POU6F2: variants seen among roughly 807,000 people sequenced by gnomAD.
POU6F2 encodes POU class 6 homeobox 2.
In POU6F2, 31 loss-of-function variants were observed where a neutral mutation model predicts 71.3. The ratio of observed to expected loss-of-function variants is 0.43; its 90% CI spans 0.33 to 0.59. POU6F2 has a LOEUF of 0.59. POU6F2 is among the 20% of genes least tolerant of loss of function. The pLI is 0.04. For missense variants in POU6F2, 783 were observed against 856.8 expected (o/e 0.91, Z 1.07); for synonymous variants, 347 against 355.7 (o/e 0.98, Z 0.27).
chr7:39,082,929 G>C (rs1245075474), intron 1 of POU6F2, among the ~76,000 whole-genome samples: 1 of 151,896 alleles, frequency 6.6e-6, no homozygotes, highest in African/African-American at 2.4e-5. Flanking sequence ...ACAAACTCTT[G>C]GATTTTCAAA....
At chr7:39,461,647 TTAAGAC>T (rs1461190213) in intron 9 of POU6F2, among the ~76,000 whole-genome samples, 6 of 152,196 alleles carry the variant, frequency 3.9e-5, no homozygotes, top group African/African-American at 1.4e-4. Context: ...TTCCTGCAGT[TTAAGAC>T]TAAGGTTATA....
rs1794042129 is a variant in POU6F2 at position 39,207,500 on chromosome 7, C to G, written c.478C>G (p.Leu160Val). ...ILIPFNMAGQLGGQQGLVLTL... is the reference protein window; with the variant it reads ...ILIPFNMAGQVGGQQGLVLTL... Reference sequence around the variant, plus strand: ...CATTCCCTTCAACATGGCGGGACAGCTAGGAGGCCAGCAAGGACTGGTTCT... The same window carrying G: ...CATTCCCTTCAACATGGCGGGACAGGTAGGAGGCCAGCAAGGACTGGTTCT... The change falls in exon 4 of 10, where the codon CTA becomes GTA. Residue 160 changes from leucine (L) to valine (V), a missense_variant. By Grantham distance (32) the Leu-to-Val change is conservative. Around this residue, in one of 2 missense-constraint regions of POU6F2, gnomAD observed 572 missense variants for 572.9 expected, o/e 1.00. Transcript: ENST00000518318. The G allele has an allele frequency of 6.2e-7, 1 of 1,613,890 alleles. No individual in the cohort carries two copies. Among genetic ancestry groups the G allele is most frequent in the Non-Finnish European group, 8.5e-7 (1 of 1,179,880 alleles).
At chr7:39,029,563 A>G (rs930254076) in intron 1 of POU6F2, among the ~76,000 whole-genome samples, 2 of 152,108 alleles carry the variant, frequency 1.3e-5, no homozygotes, top group African/African-American at 4.8e-5. Context: ...GATACCCTAA[A>G]AGCCCTGACT....
intron 2 of POU6F2, among the ~76,000 whole-genome samples, chr7:39,176,060 C>T (rs923748171): frequency 7.2e-5 from 11 of 152,052 alleles, no homozygotes; most frequent in African/African-American, 2.4e-4. Flanking sequence ...CAGTGTATTC[C>T]CTCTTCTTCC....
intron 4 of POU6F2, among the ~76,000 whole-genome samples, chr7:39,256,458 T>G (rs971683220): frequency 6.6e-6 from 1 of 152,102 alleles, no homozygotes; most frequent in Non-Finnish European, 1.5e-5. Context: ...AATTCCTCAT[T>G]AAACTCCCTC....
intron 1 of POU6F2, among the ~76,000 whole-genome samples, chr7:39,074,135 G>T (rs1211233383): frequency 1.3e-5 from 2 of 152,156 alleles, no homozygotes; most frequent in African/African-American, 2.4e-5. Flanking sequence ...GATTGCCTGA[G>T]CTCCAGAGTT....
chr7:39,192,697 G>A (rs1793693127), intron 2 of POU6F2, among the ~76,000 whole-genome samples: 1 of 152,202 alleles, frequency 6.6e-6, no homozygotes. Flanking sequence ...TACTGTGATT[G>A]AGAGCATTCC....
intron 1 of POU6F2, among the ~76,000 whole-genome samples, chr7:39,028,018 A>C (rs1789853178): frequency 6.6e-6 from 1 of 152,152 alleles, no homozygotes; most frequent in Non-Finnish European, 1.5e-5. Flanking sequence ...TAACCCAATT[A>C]TTAATTTTTC....
chr7:39,162,531 G>C (rs929874312), intron 2 of POU6F2, among the ~76,000 whole-genome samples: 13 of 152,082 alleles, frequency 8.5e-5, no homozygotes, highest in Non-Finnish European at 1.5e-4. Flanking sequence ...CTTTTTCCAC[G>C]ATCAGATAGT....
intron 2 of POU6F2, among the ~76,000 whole-genome samples, chr7:39,166,264 CTTGG>C (rs1793114002): frequency 6.6e-6 from 1 of 152,170 alleles, no homozygotes; most frequent in Admixed American, 6.5e-5. Context: ...GTGTGGAAAA[CTTGG>C]TTGGTTCCAC....
chr7:39,196,219 G>A (rs964829876), intron 2 of POU6F2, among the ~76,000 whole-genome samples: 3 of 152,142 alleles, frequency 2.0e-5, no homozygotes, highest in Admixed American at 1.3e-4. Context: ...GCTGAAGAAA[G>A]GCAGGTGACA....
intron 4 of POU6F2, among the ~76,000 whole-genome samples, chr7:39,333,460 C>T (rs1002577179): frequency 2.6e-5 from 4 of 152,010 alleles, no homozygotes; most frequent in Admixed American, 1.3e-4. Context: ...AGTCTCAGGC[C>T]GGGCGTGGTG....
chr7:39,258,810 C>T (rs1413722379), intron 4 of POU6F2, among the ~76,000 whole-genome samples: 9 of 151,972 alleles, frequency 5.9e-5, no homozygotes, highest in Non-Finnish European at 5.9e-5. Context: ...CTACAAACCA[C>T]CTTGCTCATT....
chr7:39,080,793 C>G (rs1312257018), intron 1 of POU6F2, among the ~76,000 whole-genome samples: 1 of 152,204 alleles, frequency 6.6e-6, no homozygotes, highest in Non-Finnish European at 1.5e-5. Flanking sequence ...GTGGCTGCCA[C>G]TGGACACGGA....
chr7:39,450,025 G>A (rs986301259), intron 7 of POU6F2, among the ~76,000 whole-genome samples: 10 of 152,206 alleles, frequency 6.6e-5, no homozygotes, highest in Non-Finnish European at 8.8e-5. Context: ...CTTGATTATC[G>A]TGGTGGTTTC....
intron 1 of POU6F2, among the ~76,000 whole-genome samples, chr7:39,051,953 G>T (rs936523505): frequency 6.6e-6 from 1 of 152,086 alleles, no homozygotes; most frequent in East Asian, 1.9e-4. Context: ...CTTACCATTT[G>T]TGTGGCGATT....
At chr7:39,156,331 G>A (rs1792870021) in intron 2 of POU6F2, among the ~76,000 whole-genome samples, 2 of 152,112 alleles carry the variant, frequency 1.3e-5, no homozygotes, top group African/African-American at 4.8e-5. Flanking sequence ...ATTGACTTTT[G>A]AGGCTTTTCC....
chr7:38,982,102 C>T (rs916275945), intron 1 of POU6F2, among the ~76,000 whole-genome samples: 1 of 152,072 alleles, frequency 6.6e-6, no homozygotes, highest in Non-Finnish European at 1.5e-5. Flanking sequence ...GAAGATTGCC[C>T]TCTGTCAATT....
At chr7:39,313,062 A>C (rs1399335239) in intron 4 of POU6F2, among the ~76,000 whole-genome samples, 1 of 152,188 alleles carries the variant, frequency 6.6e-6, no homozygotes, top group East Asian at 1.9e-4. Context: ...CTCAGCAAAC[A>C]GAGGAGTGGA....
Sources: gnomAD v4.1 joint callset for allele counts (sites outside exome capture counted in the v4.1 genomes callset) on GRCh38, gnomAD v4.1.1 for gene constraint, gnomAD v4.1.1 regional missense constraint, MANE v1.5 for transcripts, NCBI Gene and HGNC (gene_info 2026-07-23, HGNC 2026-07-21) for gene names.